DNAI1: variants seen among roughly 807,000 people sequenced by gnomAD.
DNAI1 encodes dynein axonemal intermediate chain 1.
In DNAI1, 67 loss-of-function variants were observed where a neutral mutation model predicts 92.0. The observed-to-expected ratio is 0.73, with a 90% CI of 0.60 to 0.89. DNAI1 has a LOEUF of 0.89. Ranked by LOEUF, DNAI1 falls within the 40% of genes least tolerant of loss-of-function variation. The pLI, the probability that DNAI1 is intolerant of heterozygous loss-of-function variation, is 0.00. For synonymous variants in DNAI1, 323 were observed against 319.6 expected, an observed-to-expected ratio of 1.01 and a Z score of -0.11; for missense variants, 839 against 866.6, an observed-to-expected ratio of 0.97 and a Z score of 0.40.
Position 34,458,823 on chromosome 9 carries a change from T to A in DNAI1, c.-183T>A. The A allele has an allele frequency of 1.5e-6, 1 of 665,882 alleles. No individual in the cohort carries two copies. Among genetic ancestry groups the A allele is most frequent in the Non-Finnish European group, 2.8e-6 (1 of 362,776 alleles). The allele number at this position is 665,882 out of a possible 1,614,324, so 41.2% of individuals were successfully genotyped here. On this transcript the variant is annotated 5_prime_UTR_variant, in exon 1 of 20. Transcript: ENST00000242317. The surrounding 1 kb of genome is among the most constrained non-coding windows in gnomAD (Gnocchi z 6.6). ...GCTGGTCGGTTGCTGGGTAACCGCG[T>A]CAGGGAGTTGGATTCTATCCTGCAA...
At chr9:34,512,548 G>A (rs1279783817) in intron 15 of DNAI1, 124 bp downstream of exon 15, 4 of 958,802 alleles carry the variant, frequency 4.2e-6, no homozygotes, top group Non-Finnish European at 4.9e-6. Flanking sequence ...GGCCTGACAG[G>A]AGATTGTAGG....
intron 13 of DNAI1, among the ~76,000 whole-genome samples, chr9:34,510,672 T>C (rs1825046458): frequency 6.6e-6 from 1 of 152,088 alleles, no homozygotes; most frequent in African/African-American, 2.4e-5. Flanking sequence ...ATCAGGCTGC[T>C]AAGTGGGGTG....
chr9:34,475,609 T>C (rs1324371995), intron 1 of DNAI1, among the ~76,000 whole-genome samples: 1 of 152,234 alleles, frequency 6.6e-6, no homozygotes, highest in Non-Finnish European at 1.5e-5. Flanking sequence ...CTTATGTGTG[T>C]TGTTGACTCA....
chr9:34,519,869 C>A (rs1006854155), intron 19 of DNAI1, among the ~76,000 whole-genome samples: 1 of 152,194 alleles, frequency 6.6e-6, no homozygotes, highest in African/African-American at 2.4e-5. Flanking sequence ...CCTCACCCCC[C>A]TGCCTGGACA....
Position 34,459,020 on chromosome 9 carries a change from T to A in DNAI1, c.15T>A (p.Ser5=). Reference sequence around the variant, plus strand: ...CAGGGGTTGAGATGATTCCTGCTTCTGCGAAGGCTCCCCATAAACAGCCTC... The same window carrying A: ...CAGGGGTTGAGATGATTCCTGCTTCAGCGAAGGCTCCCCATAAACAGCCTC... MIPA[S]AKAPHKQPHK... is the part of the protein sequence containing the mutation. Residue 5 remains serine (S), a synonymous_variant, in exon 1 of 20, where the codon TCT becomes TCA. Transcript: ENST00000242317. 6.2e-7 allele frequency: 1 copy of A among 1,614,226 alleles called. No homozygotes were observed. The highest frequency in any genetic ancestry group is 8.5e-7 in the Non-Finnish European group (1 of 1,180,016).
intron 1 of DNAI1, among the ~76,000 whole-genome samples, chr9:34,462,172 C>T (rs1823963073): frequency 6.6e-6 from 1 of 152,194 alleles, no homozygotes; most frequent in Non-Finnish European, 1.5e-5. Flanking sequence ...CATGGTCTTG[C>T]CTTTGCTACC....
chr9:34,494,482 G>A (rs1439784956), intron 9 of DNAI1, among the ~76,000 whole-genome samples: 1 of 152,170 alleles, frequency 6.6e-6, no homozygotes, highest in African/African-American at 2.4e-5. Flanking sequence ...ATTCTCTAGA[G>A]GTTAGAGGCT....
Position 34,474,993 on chromosome 9 carries a change from A to G in DNAI1, c.49-8455A>G, listed in dbSNP as rs1266943748. 2.6e-5 allele frequency among the ~76,000 whole-genome samples: 4 copies of G among 152,214 alleles called. No individual in the cohort carries two copies. The East Asian group carries it at 7.7e-4, about 29-fold the overall frequency. ...AAAGTTTGCATCAGTTGGCACTACCACAACAATGTATGTGTGCCTGTTACC... is the reference window on the plus strand; with the variant it reads ...AAAGTTTGCATCAGTTGGCACTACCGCAACAATGTATGTGTGCCTGTTACC... On this transcript the variant is annotated intron_variant, in intron 1 of 19. Transcript: ENST00000242317.
At chr9:34,511,751 A>G (rs1045275767) in intron 13 of DNAI1, among the ~76,000 whole-genome samples, 9 of 152,054 alleles carry the variant, frequency 5.9e-5, no homozygotes, top group African/African-American at 1.9e-4. Context: ...GGCCATGTTT[A>G]TTTATGCAAG....
chr9:34,505,924 G>A (rs1207611218), intron 12 of DNAI1, among the ~76,000 whole-genome samples: 20 of 152,198 alleles, frequency 1.3e-4, no homozygotes, highest in Non-Finnish European at 2.9e-4. Context: ...CAGGATGGGC[G>A]CCAAGTACAC....
chr9:34,468,178 G>T (rs1191708423), intron 1 of DNAI1, among the ~76,000 whole-genome samples: 2 of 146,884 alleles, frequency 1.4e-5, no homozygotes, highest in East Asian at 3.9e-4. Flanking sequence ...AGAACAGAGA[G>T]GAAGAAGGCT....
At chr9:34,481,891 G>A (rs865903787) in intron 1 of DNAI1, among the ~76,000 whole-genome samples, 2 of 152,224 alleles carry the variant, frequency 1.3e-5, no homozygotes, top group African/African-American at 4.8e-5. Context: ...AGATTCCACA[G>A]TGTGGAAGGG....
intron 19 of DNAI1, among the ~76,000 whole-genome samples, chr9:34,519,713 C>T (rs1825231870): frequency 6.6e-6 from 1 of 152,138 alleles, no homozygotes; most frequent in South Asian, 2.1e-4. Context: ...CTCCCCATCC[C>T]CTTTACAGCC....
intron 1 of DNAI1, among the ~76,000 whole-genome samples, chr9:34,469,064 A>G (rs1295785791): frequency 6.6e-6 from 1 of 152,154 alleles, no homozygotes; most frequent in Non-Finnish European, 1.5e-5. Flanking sequence ...TCAGAAACTC[A>G]GTGAGCCCCA....
intron 1 of DNAI1, among the ~76,000 whole-genome samples, chr9:34,471,458 A>AAAAAG (rs1337846321): frequency 2.6e-5 from 4 of 151,314 alleles, no homozygotes; most frequent in Admixed American, 1.3e-4. Context: ...AAAAAAAAAA[A>AAAAAG]AAAAGAAAAG....
intron 2 of DNAI1, among the ~76,000 whole-genome samples, chr9:34,483,690 TTTA>T (rs1314880729): frequency 6.6e-6 from 1 of 152,186 alleles, no homozygotes; most frequent in African/African-American, 2.4e-5. Flanking sequence ...ATTACATGTA[TTTA>T]TTATTTTTCT....
chr9:34,520,676 G>A lies in DNAI1; in HGVS notation c.2020G>A (p.Val674Met). 2.6e-6 allele frequency: 4 copies of A among 1,551,648 alleles called. No homozygotes were observed. Among genetic ancestry groups the A allele is most frequent in the Non-Finnish European group, 3.5e-6 (4 of 1,146,986 alleles). ...KMPKEKKGQE[V>M]QKGPAVEIAK... The stretch of plus-strand genomic sequence containing the variant: ...TCCCCAGGAAAAGAAGGGGCAGGAG[G>A]TGCAGAAGGGTCCAGCTGTGGAGAT... Residue 674 changes from valine (V) to methionine (M), a missense_variant, in exon 20 of 20, where the codon GTG becomes ATG. By Grantham distance (21) the Val-to-Met change is conservative. Coordinates refer to ENST00000242317, the MANE Select transcript of DNAI1 (RefSeq NM_012144.4).
chr9:34,492,429 C>A (rs1477443453), intron 8 of DNAI1, among the ~76,000 whole-genome samples: 1 of 143,056 alleles, frequency 7.0e-6, no homozygotes, highest in Non-Finnish European at 1.5e-5. Context: ...GTGGTCAGTG[C>A]CATAGACAGC....
intron 13 of DNAI1, among the ~76,000 whole-genome samples, chr9:34,508,220 C>G (rs1824981632): frequency 1.3e-5 from 2 of 152,158 alleles, no homozygotes; most frequent in Non-Finnish European, 2.9e-5. Flanking sequence ...CTCTTATGGC[C>G]CTGAGCTTCC....
Sources: allele counts gnomAD v4.1 joint callset (sites outside exome capture counted in the v4.1 genomes callset), GRCh38; gene constraint gnomAD v4.1.1; non-coding constraint Gnocchi (gnomAD v3.1); transcripts MANE v1.5; gene names NCBI Gene and HGNC (gene_info 2026-07-23, HGNC 2026-07-21).